The following C10orf67 variants were observed in gnomAD, a reference collection of about 807,000 sequenced individuals.
The protein encoded by C10orf67 is chromosome 10 open reading frame 67, also known as uncharacterized protein C10orf67, mitochondrial.
Under a neutral mutation model 35.6 loss-of-function variants are expected in C10orf67, and 60 were observed. That is an observed-to-expected ratio of 1.68 (90% CI 1.37 to 2.09). The LOEUF (loss-of-function observed/expected upper bound fraction) is 2.09. Among genes scored for constraint, C10orf67 ranks in the 30% most tolerant of loss-of-function variants. The pLI, the probability that C10orf67 is intolerant of heterozygous loss-of-function variation, is 0.00. For synonymous variants in C10orf67, 167 were observed against 115.8 expected (o/e 1.44, Z -2.84); for missense variants, 474 against 330.2 (o/e 1.44, Z -3.38).
At chr10:23,208,803 T>C (rs1415490051) in intron 15 of C10orf67, among the ~76,000 whole-genome samples, 1 of 152,126 alleles carries the variant, frequency 6.6e-6, no homozygotes, top group Admixed American at 6.6e-5. Flanking sequence ...TAAGAGCAAA[T>C]GTGACCCCAG....
chr10:23,322,969 G>T (rs1266444757), intron 2 of C10orf67, among the ~76,000 whole-genome samples: 1 of 152,080 alleles, frequency 6.6e-6, no homozygotes, highest in African/African-American at 2.4e-5. Flanking sequence ...CCTGGTCAGA[G>T]GTCTGTCCTG....
At chr10:23,230,134 A>G (rs1217392068) in intron 13 of C10orf67, among the ~76,000 whole-genome samples, 1 of 152,148 alleles carries the variant, frequency 6.6e-6, no homozygotes, top group Non-Finnish European at 1.5e-5. Flanking sequence ...AGGAAAAAAA[A>G]CAGTGAAACA....
Position 23,266,294 on chromosome 10 carries a change from G to A in C10orf67, c.1168C>T (p.Pro390Ser). Residue 390 changes from proline to serine, a missense_variant, in exon 10 of 16, where the codon CCA becomes TCA. Transcript: ENST00000636213. ...SSAGAQKAKM[P>S]KKALKEDQAV... is the part of the protein sequence containing the mutation. The stretch of plus-strand genomic sequence containing the variant: ...TGGTCTTCCTTTAAAGCCTTCTTTG[G>A]CATTTTAGCTTTCTGGGCCCCAGCA... The A allele has an allele frequency of 2.5e-6, 1 of 398,592 alleles. No individual in the cohort carries two copies. Among genetic ancestry groups the A allele is most frequent in the Non-Finnish European group, 4.4e-6 (1 of 226,072 alleles). The allele number at this position is 398,592 out of a possible 1,614,324, so 24.7% of individuals were successfully genotyped here.
rs187397096 is a variant in C10orf67 at position 23,275,015 on chromosome 10, C to T, written c.975+6998G>A. On this transcript the variant is annotated intron_variant, in intron 8 of 15. Transcript: ENST00000636213. ...TCGGGGTCCCTGACTTGCTGCAACA[C>T]ACAGGTGGTTCCTTATTTCCTTGTG... Among the ~76,000 whole-genome samples, 121 of 152,330 alleles carry T rather than the reference C, an allele frequency of 7.9e-4. 2 individuals are homozygous for T. Among genetic ancestry groups the T allele is most frequent in the Admixed American group, 3.1e-3 (48 of 15,298 alleles).
At chr10:23,315,452 G>C (rs1285568097) in intron 4 of C10orf67, among the ~76,000 whole-genome samples, 1 of 152,104 alleles carries the variant, frequency 6.6e-6, no homozygotes, top group African/African-American at 2.4e-5. Context: ...TTGTTTGTTT[G>C]TTTTGAGACA....
intron 7 of C10orf67, among the ~76,000 whole-genome samples, chr10:23,289,039 A>G (rs1843633454): frequency 6.6e-6 from 1 of 152,124 alleles, no homozygotes; most frequent in Admixed American, 6.5e-5. Flanking sequence ...ACAATAGGGA[A>G]GTTTGCGGAT....
rs749025380 is a variant in C10orf67, at chr10:23,267,214, T to A, written c.1016A>T (p.Tyr339Phe). The A allele has an allele frequency of 1.4e-5, 10 of 716,090 alleles. 1 individual carries two copies. In the Admixed American group the frequency reaches 1.4e-4, roughly 10 times the overall value. The allele number at this position is 716,090 out of a possible 1,614,324, so 44.4% of individuals were successfully genotyped here. A position where few individuals can be genotyped will look rare whatever the true frequency, so the allele number is the denominator to read the frequency against. Residue 339 changes from tyrosine to phenylalanine, a missense_variant, in exon 9 of 16, where the codon TAT becomes TTT. Tyr to Phe is a conservative substitution (Grantham distance 22). Transcript: ENST00000636213. The part of the protein sequence containing the change: ...QKEDKEMRKK[Y>F]GSLSVKVARS... Reference sequence around the variant, plus strand: ...ACAAACCTTTACACTTAAGCTGCCATACTTTTTTCTCATTTCCTTGTCCTC... The same window carrying A: ...ACAAACCTTTACACTTAAGCTGCCAAACTTTTTTCTCATTTCCTTGTCCTC...
At chr10:23,297,271 C>CCTTTCCTTTCCTTTCCTT (rs1843914964) in intron 5 of C10orf67, among the ~76,000 whole-genome samples, 5 of 148,444 alleles carry the variant, frequency 3.4e-5, no homozygotes, top group Non-Finnish European at 6.0e-5. Flanking sequence ...CCTTTCCTTT[C>CCTTTCCTTTCCTTTCCTT]TGATGACCCC....
chr10:23,318,987 GA>G, intron 4 of C10orf67: 4 of 728,924 alleles, frequency 5.5e-6, no homozygotes, highest in South Asian at 4.4e-5. Flanking sequence ...GGTCTTCCAT[GA>G]GAACCCTTTT....
At chr10:23,212,798 AG>A (rs1454273081) in intron 15 of C10orf67, among the ~76,000 whole-genome samples, 1 of 151,352 alleles carries the variant, frequency 6.6e-6, no homozygotes, top group Non-Finnish European at 1.5e-5. Flanking sequence ...AGAGAGAGAG[AG>A]AGAGAGAGAG....
chr10:23,218,836 G>A (rs1316023431), intron 15 of C10orf67, among the ~76,000 whole-genome samples: 1 of 152,118 alleles, frequency 6.6e-6, no homozygotes, highest in Non-Finnish European at 1.5e-5. Context: ...TATAAAATGT[G>A]CACTTGAATA....
intron 10 of C10orf67, among the ~76,000 whole-genome samples, chr10:23,265,435 T>C (rs772917804): frequency 6.6e-6 from 1 of 152,108 alleles, no homozygotes; most frequent in Non-Finnish European, 1.5e-5. Flanking sequence ...AGGACAGAGT[T>C]TGAGAGAGCA....
chr10:23,283,168 T>C (rs1004427345), intron 7 of C10orf67, among the ~76,000 whole-genome samples: 4 of 152,168 alleles, frequency 2.6e-5, no homozygotes, highest in African/African-American at 9.7e-5. Flanking sequence ...AAATATTTCA[T>C]ATACTCTGTA....
intron 2 of C10orf67, among the ~76,000 whole-genome samples, chr10:23,329,807 A>AAAAG: frequency 6.7e-6 from 1 of 149,980 alleles, no homozygotes; most frequent in East Asian, 1.9e-4. Context: ...CAAAAAAAAA[A>AAAAG]AAAAAAAAAG....
At chr10:23,265,476 C>A (rs2132194351) in intron 10 of C10orf67, among the ~76,000 whole-genome samples, 1 of 152,340 alleles carries the variant, frequency 6.6e-6, no homozygotes, top group African/African-American at 2.4e-5. Context: ...CTGTGTGAAG[C>A]ACGACATTGG....
At chr10:23,261,232 C>T (rs187611639) in intron 10 of C10orf67, among the ~76,000 whole-genome samples, 1 of 152,202 alleles carries the variant, frequency 6.6e-6, no homozygotes, top group East Asian at 1.9e-4. Flanking sequence ...TATCTCAATA[C>T]CTGCATACAC....
intron 15 of C10orf67, among the ~76,000 whole-genome samples, chr10:23,216,230 A>T (rs986664858): frequency 6.6e-6 from 1 of 152,228 alleles, no homozygotes; most frequent in African/African-American, 2.4e-5. Flanking sequence ...CAATTCATAG[A>T]AGAGGAAACT....
intron 2 of C10orf67, among the ~76,000 whole-genome samples, chr10:23,329,439 T>A (rs1845343955): frequency 6.6e-6 from 1 of 151,620 alleles, no homozygotes; most frequent in African/African-American, 2.4e-5. Context: ...ATAAGCACAG[T>A]TTTACATGCC....
chr10:23,344,321 G>C (rs1465385187), intron 1 of C10orf67: 4 of 562,722 alleles, frequency 7.1e-6, no homozygotes, highest in Non-Finnish European at 9.5e-6. Context: ...AGGAGGATGG[G>C]GAGGGAGCAC....
Sources: gnomAD v4.1 joint callset for allele counts (sites outside exome capture counted in the v4.1 genomes callset) on GRCh38, gnomAD v4.1.1 for gene constraint, MANE v1.5 for transcripts, NCBI Gene and HGNC (gene_info 2026-07-23, HGNC 2026-07-21) for gene names.